Variants in NT5DC1 observed in about 807,000 individuals in gnomAD.
The protein encoded by NT5DC1 is 5'-nucleotidase domain-containing protein 1.
Under a neutral mutation model 59.4 loss-of-function variants are expected in NT5DC1, and 42 were observed. The observed-to-expected ratio is 0.71, with a 90% CI of 0.55 to 0.92. The LOEUF (loss-of-function observed/expected upper bound fraction) is 0.92, where lower values mean the gene tolerates loss of function less well. Among genes scored for constraint, NT5DC1 ranks in the 40% least tolerant of loss-of-function variants. The probability of loss-of-function intolerance (pLI) is 0.00; values close to 1 mark genes in which losing one functional copy is unlikely to be tolerated. For synonymous variants in NT5DC1, 172 were observed against 188.1 expected (o/e 0.91, Z 0.70); for missense variants, 501 against 537.1 (o/e 0.93, Z 0.66).
At chr6:116,217,452 A>C (rs1781707921) in intron 6 of NT5DC1, among the ~76,000 whole-genome samples, 1 of 152,200 alleles carries the variant, frequency 6.6e-6, no homozygotes, top group African/African-American at 2.4e-5. Flanking sequence ...GCAGTGAAAT[A>C]GAATTCCTTT....
At chr6:116,188,511 T>C (rs1781049800) in intron 6 of NT5DC1, among the ~76,000 whole-genome samples, 1 of 151,570 alleles carries the variant, frequency 6.6e-6, no homozygotes, top group African/African-American at 2.4e-5. Context: ...AAACAGAAAA[T>C]GAGAGAGAAA....
At chr6:116,125,194 C>T in intron 6 of NT5DC1, 2 of 819,466 alleles carry the variant, frequency 2.4e-6, no homozygotes, top group East Asian at 2.6e-5. Context: ...ACTTTTTTCA[C>T]AGATCACTTT....
chr6:116,128,784 A>G (rs559688886), intron 6 of NT5DC1, among the ~76,000 whole-genome samples: 4 of 152,200 alleles, frequency 2.6e-5, no homozygotes, highest in Non-Finnish European at 4.4e-5. Flanking sequence ...TTCAAAGACT[A>G]TATTTTCATG....
intron 6 of NT5DC1, among the ~76,000 whole-genome samples, chr6:116,178,088 TGCGC>T (rs770350675): frequency 0.01 from 1,033 of 99,606 alleles, 9 homozygotes; most frequent in Middle Eastern, 0.019. Context: ...TGTGTGTGTG[TGCGC>T]GCGCGCGCGC....
At chr6:116,220,122 C>CCTTTTTTTTTTT (rs1759376078) in intron 6 of NT5DC1, among the ~76,000 whole-genome samples, 1 of 98,620 alleles carries the variant, frequency 1.0e-5, no homozygotes, top group African/African-American at 4.3e-5. Flanking sequence ...GCTGTTTAAC[C>CCTTTTTTTTTTT]TTTTTTTTTT....
chr6:116,159,254 A>G (rs1454371199), intron 6 of NT5DC1, among the ~76,000 whole-genome samples: 1 of 152,062 alleles, frequency 6.6e-6, no homozygotes, highest in East Asian at 1.9e-4. Flanking sequence ...TTAAAAATTG[A>G]TTTCACCGTA....
intron 6 of NT5DC1, among the ~76,000 whole-genome samples, chr6:116,215,207 AAGG>A (rs970340356): frequency 1.3e-5 from 2 of 152,174 alleles, no homozygotes; most frequent in African/African-American, 4.8e-5. Flanking sequence ...TAGGGTTATA[AAGG>A]AGGACACATG....
intron 6 of NT5DC1, among the ~76,000 whole-genome samples, chr6:116,173,870 G>A (rs1780673320): frequency 6.6e-6 from 1 of 152,090 alleles, no homozygotes; most frequent in Non-Finnish European, 1.5e-5. Flanking sequence ...ACTTCATTTA[G>A]CTTCTACCAG....
At chr6:116,216,896 G>A (rs1781697291) in intron 6 of NT5DC1, among the ~76,000 whole-genome samples, 1 of 152,114 alleles carries the variant, frequency 6.6e-6, no homozygotes, top group Admixed American at 6.6e-5. Flanking sequence ...TCACTAGCGT[G>A]CTCTTATATA....
Position 116,248,586 on chromosome 6 carries a change from G to A in NT5DC1, c.*4562G>A, listed in dbSNP as rs981318009. On this transcript the variant is annotated 3_prime_UTR_variant, in exon 12 of 12. Transcript: ENST00000319550. ...TCAGAGAAGCCTTTTATAAGTGTCT[G>A]GCTTGCACTGAATGCCCAGAAATGG... The A allele has an allele frequency of 2.0e-5, 3 of 152,228 alleles. No homozygotes were observed. Among genetic ancestry groups the A allele is most frequent in the African/African-American group, 4.8e-5 (2 of 41,444 alleles). 9.4% of individuals were successfully genotyped at this position (152,228 alleles called of 1,614,324 possible).
intron 6 of NT5DC1, chr6:116,119,375 GCTT>G (rs1368470316): frequency 3.9e-5 from 6 of 152,398 alleles, no homozygotes; most frequent in Admixed American, 3.9e-4. Flanking sequence ...TATATAAAAA[GCTT>G]CTCTGCAATC....
intron 6 of NT5DC1, among the ~76,000 whole-genome samples, chr6:116,202,271 A>G (rs752897027): frequency 9.2e-5 from 14 of 151,880 alleles, no homozygotes; most frequent in Non-Finnish European, 1.8e-4. Context: ...TTTCTGTAGT[A>G]CCTTTTTTTC....
At chr6:116,191,346 A>G (rs1342519427) in intron 6 of NT5DC1, among the ~76,000 whole-genome samples, 1 of 151,984 alleles carries the variant, frequency 6.6e-6, no homozygotes, top group Non-Finnish European at 1.5e-5. Flanking sequence ...ACAAACAAAC[A>G]AAAGAAACCC....
intron 6 of NT5DC1, among the ~76,000 whole-genome samples, chr6:116,214,436 A>C (rs965534650): frequency 6.6e-6 from 1 of 152,172 alleles, no homozygotes; most frequent in Non-Finnish European, 1.5e-5. Context: ...CTTCTAGCCG[A>C]AATAGTGAGG....
In NT5DC1 at chr6:116,244,215, C is replaced by T. The variant is rs1771794006; in HGVS notation, c.*191C>T. ...CTTATTATATTAAAATCTCAGTATC[C>T]TAAAACTTAGAACCTTATTGATATT... On this transcript the variant is annotated 3_prime_UTR_variant, in exon 12 of 12. Coordinates refer to ENST00000319550, the MANE Select transcript of NT5DC1 (RefSeq NM_152729.3). The T allele has an allele frequency of 2.4e-6, 1 of 412,970 alleles. No homozygotes were observed. Among genetic ancestry groups the T allele is most frequent in the Non-Finnish European group, 4.3e-6 (1 of 231,960 alleles). The allele number at this position is 412,970 out of a possible 1,614,324, so 25.6% of individuals were successfully genotyped here. A position where few individuals can be genotyped will look rare whatever the true frequency, so the allele number is the denominator to read the frequency against.
At chr6:116,151,857 A>G (rs1780049961) in intron 6 of NT5DC1, among the ~76,000 whole-genome samples, 1 of 152,242 alleles carries the variant, frequency 6.6e-6, no homozygotes, top group African/African-American at 2.4e-5. Flanking sequence ...TAATAAACTG[A>G]TAGTTTTGTC....
intron 7 of NT5DC1, 115 bp from the exon 8 acceptor site, chr6:116,222,915 AAGTT>A (rs1427524180): frequency 4.9e-6 from 3 of 612,326 alleles, no homozygotes; most frequent in Non-Finnish European, 2.9e-6. Context: ...AAGCATGTAA[AAGTT>A]AGTCAAAAGA....
At chr6:116,154,566 T>G (rs553674330) in intron 6 of NT5DC1, among the ~76,000 whole-genome samples, 4 of 152,282 alleles carry the variant, frequency 2.6e-5, no homozygotes, top group African/African-American at 9.6e-5. Context: ...ATTTGCTTTT[T>G]TAAAAAATGC....
chr6:116,185,932 AT>A (rs1387627627), intron 6 of NT5DC1, among the ~76,000 whole-genome samples: 1 of 151,604 alleles, frequency 6.6e-6, no homozygotes, highest in East Asian at 1.9e-4. Flanking sequence ...AAAACCTTGG[AT>A]TTTTTTCATT....
Sources: gnomAD v4.1 joint callset for allele counts (sites outside exome capture counted in the v4.1 genomes callset) on GRCh38, gnomAD v4.1.1 for gene constraint, MANE v1.5 for transcripts, NCBI Gene and HGNC (gene_info 2026-07-23, HGNC 2026-07-21) for gene names.